VPS35L: variants seen among roughly 807,000 people sequenced by gnomAD.
The protein encoded by VPS35L is VPS35 endosomal protein-sorting factor-like.
VPS35L carries 83 observed loss-of-function variants against 133.0 expected under a neutral mutation model. The ratio of observed to expected loss-of-function variants is 0.62; its 90% CI spans 0.52 to 0.75. VPS35L has a LOEUF of 0.75. Ranked by LOEUF, VPS35L falls within the 30% of genes least tolerant of loss-of-function variation. The probability of loss-of-function intolerance (pLI) is 0.00; values close to 1 mark genes in which losing one functional copy is unlikely to be tolerated. For synonymous variants in VPS35L, 423 were observed against 449.9 expected (o/e 0.94, Z 0.76); for missense variants, 1,083 against 1,206.8 (o/e 0.90, Z 1.52).
At position 19,633,724 on chromosome 16, in the gene VPS35L, G is replaced by GT. The variant is rs971387275; in HGVS notation, c.1635+561dup. 1.7e-4 allele frequency among the ~76,000 whole-genome samples: 25 copies of GT among 150,628 alleles called. No homozygotes were observed. The highest frequency in any genetic ancestry group is 2.2e-4 in the Non-Finnish European group (15 of 67,556). ...CCAGATTTACTAGCTGTTAACATTT[G>GT]TTTTTTTTTGTTTTTGTTTTTGTTT... On this transcript the variant is annotated intron_variant, in intron 19 of 30. Coordinates refer to ENST00000417362, the MANE Select transcript of VPS35L (RefSeq NM_020314.7). This position sits in a 1 kb window ranked among gnomAD's most constrained non-coding sequence, Gnocchi z 4.1.
At chr16:19,650,136 A>G (rs7192824) in intron 24 of VPS35L, among the ~76,000 whole-genome samples, 60,940 of 151,962 alleles carry the variant, frequency 0.4, 12,911 homozygotes, top group African/African-American at 0.53. Context: ...AATGCTGATC[A>G]AAAGGCATGA....
At chr16:19,572,092 T>C (rs1202343268) in intron 3 of VPS35L, among the ~76,000 whole-genome samples, 1 of 152,164 alleles carries the variant, frequency 6.6e-6, no homozygotes, top group Non-Finnish European at 1.5e-5. Context: ...GGTGCATGTC[T>C]GCAAGGATTT....
chr16:19,594,697 G>A (rs1037304057), intron 8 of VPS35L, among the ~76,000 whole-genome samples: 62 of 140,270 alleles, frequency 4.4e-4, no homozygotes, highest in African/African-American at 1.6e-3. Context: ...CCTCGCCTTT[G>A]TGGTGCTTAT....
intron 8 of VPS35L, among the ~76,000 whole-genome samples, chr16:19,594,568 C>T (rs1295735163): frequency 4.6e-5 from 6 of 131,386 alleles, no homozygotes; most frequent in Admixed American, 9.2e-5. Context: ...CGCTTGAACC[C>T]GGGAGGTGGA....
Position 19,639,284 on chromosome 16 carries a change from A to G in VPS35L, c.1699-731A>G, listed in dbSNP as rs958190056. Among the ~76,000 whole-genome samples the G allele has an allele frequency of 6.6e-6, 1 of 152,144 alleles. No homozygotes were observed. Among genetic ancestry groups the G allele is most frequent in the East Asian group, 1.9e-4 (1 of 5,184 alleles). On this transcript the variant is annotated intron_variant, in intron 20 of 30. Transcript: ENST00000417362. The surrounding 1 kb of genome is among the most constrained non-coding windows in gnomAD (Gnocchi z 4.1). Reference sequence around the variant, plus strand: ...GGTAGAGTAACTTGCTTACAGCCACACAGTCACCGAGGTTAGTATTCAGAG... The same window carrying G: ...GGTAGAGTAACTTGCTTACAGCCACGCAGTCACCGAGGTTAGTATTCAGAG...
At chr16:19,591,910 A>G (rs1199871672) in intron 8 of VPS35L, 36 bp downstream of exon 8, 7 of 1,487,568 alleles carry the variant, frequency 4.7e-6, no homozygotes, top group Middle Eastern at 1.7e-4. Flanking sequence ...GATCTAGGAA[A>G]TGTGTTCGTT....
chr16:19,592,309 G>A (rs1358981442), intron 8 of VPS35L, among the ~76,000 whole-genome samples: 2 of 150,190 alleles, frequency 1.3e-5, no homozygotes, highest in East Asian at 3.9e-4. Context: ...CAAACTCCTA[G>A]CCTCAAGTGA....
chr16:19,609,049 C>G (rs777007687), intron 11 of VPS35L, 28 bp downstream of exon 11: 2 of 1,598,566 alleles, frequency 1.3e-6, no homozygotes, highest in East Asian at 2.2e-5. Flanking sequence ...AATCTAGAAC[C>G]ATAAAATTTC....
chr16:19,662,847 G>C (rs1013789787), intron 26 of VPS35L, among the ~76,000 whole-genome samples: 2 of 152,042 alleles, frequency 1.3e-5, no homozygotes, highest in African/African-American at 4.8e-5. Context: ...CTCCTACAGG[G>C]GCATGGTAGC....
chr16:19,651,848 A>AT (rs1974136439), intron 25 of VPS35L, 128 bp from the exon 26 acceptor site: 1 of 724,150 alleles, frequency 1.4e-6, no homozygotes, highest in Admixed American at 2.1e-5. Flanking sequence ...AGAGGGGAAA[A>AT]TGGGGCTCAG....
At chr16:19,652,682 G>A (rs1974173170) in intron 26 of VPS35L, 1 of 152,408 alleles carries the variant, frequency 6.6e-6, no homozygotes, top group South Asian at 2.1e-4. Flanking sequence ...GACATCCTGA[G>A]CTCAGCACAC....
At chr16:19,565,003 A>G (rs985279370) in intron 2 of VPS35L, 53 bp downstream of exon 2, 1 of 1,383,010 alleles carries the variant, frequency 7.2e-7, no homozygotes, top group African/African-American at 1.4e-5. Flanking sequence ...TTGAAATGAA[A>G]GACAATCTTC....
chr16:19,650,436 A>C lies in VPS35L; in HGVS notation c.2083A>C (p.Arg695=). 6.2e-7 allele frequency: 1 copy of C among 1,613,872 alleles called. No homozygotes were observed. The highest frequency in any genetic ancestry group is 1.1e-5 in the South Asian group (1 of 91,074). The change falls in exon 25 of 31, where the codon AGA becomes CGA. Residue 695 remains arginine, a synonymous_variant. Transcript: ENST00000417362. ...AAAAGTAATGAAAGGAAATCATTCC[A>C]GAAAGACAGCTGCATTTGTCCGGGT... ...TRKVMKGNHS[R]KTAAFVRACV...
intron 2 of VPS35L, among the ~76,000 whole-genome samples, chr16:19,566,047 G>C (rs1971177836): frequency 6.6e-6 from 1 of 152,148 alleles, no homozygotes; most frequent in South Asian, 2.1e-4. Flanking sequence ...TGGAGGCTCT[G>C]GGAATGTATG....
rs531658578 is a variant in VPS35L at position 19,642,615 on chromosome 16, G to A, written c.1865+139G>A. On this transcript the variant is annotated intron_variant, in intron 22 of 30. Transcript: ENST00000417362. ...GAGTATTAAGATTTTTGCTAACGAG[G>A]ACATTCCAATCCAGGAGAGGAAGGA... The A allele has an allele frequency of 2.2e-5, 15 of 678,344 alleles. No homozygotes were observed. In the South Asian group the frequency reaches 4.3e-4, roughly 19 times the overall value. The allele number at this position is 678,344 out of a possible 1,614,324, so 42.0% of individuals were successfully genotyped here. A position where few individuals can be genotyped will look rare whatever the true frequency, so the allele number is the denominator to read the frequency against.
intron 14 of VPS35L, among the ~76,000 whole-genome samples, chr16:19,618,933 T>TTTTC (rs1395039167): frequency 2.0e-5 from 3 of 151,424 alleles, no homozygotes; most frequent in Middle Eastern, 6.3e-3. Context: ...TTTTTTTTTT[T>TTTTC]TTTCTTTCTT....
At chr16:19,668,847 G>A (rs1181978804) in intron 26 of VPS35L, among the ~76,000 whole-genome samples, 3 of 152,156 alleles carry the variant, frequency 2.0e-5, no homozygotes, top group Non-Finnish European at 2.9e-5. Flanking sequence ...AGAATTCAAT[G>A]AACCAATCCA....
intron 6 of VPS35L, among the ~76,000 whole-genome samples, chr16:19,580,268 C>T (rs1010751020): frequency 2.7e-5 from 4 of 150,446 alleles, no homozygotes; most frequent in Admixed American, 6.7e-5. Context: ...CACGCGCCAC[C>T]GTGCCCAGCT....
At chr16:19,570,836 TATATATATA>T (rs1197507800) in intron 3 of VPS35L, among the ~76,000 whole-genome samples, 1 of 1,892 alleles carries the variant, frequency 5.3e-4, no homozygotes, top group Non-Finnish European at 7.9e-4. Context: ...CTGTGTTTCA[TATATATATA>T]TATATATATA....
Sources: allele counts gnomAD v4.1 joint callset (sites outside exome capture counted in the v4.1 genomes callset), GRCh38; gene constraint gnomAD v4.1.1; non-coding constraint Gnocchi (gnomAD v3.1); transcripts MANE v1.5; gene names NCBI Gene and HGNC (gene_info 2026-07-23, HGNC 2026-07-21).